Variants in DNAH5 observed in about 807,000 individuals in gnomAD.
The protein encoded by DNAH5 is axonemal beta dynein heavy chain 5.
In DNAH5, 372 loss-of-function variants were observed where a neutral mutation model predicts 518.2. The ratio of observed to expected loss-of-function variants is 0.72; its 90% CI spans 0.66 to 0.78. DNAH5 has a LOEUF of 0.78. Among genes scored for constraint, DNAH5 ranks in the 30% least tolerant of loss-of-function variants. The pLI is 0.00. For missense variants in DNAH5, 5,523 were observed against 5,687.0 expected, an observed-to-expected ratio of 0.97 and a Z score of 0.93; for synonymous variants, 2,039 against 2,025.9, an observed-to-expected ratio of 1.01 and a Z score of -0.17.
At chr5:13,967,186 T>A (rs746700630) in intron 1 of DNAH5, among the ~76,000 whole-genome samples, 1 of 152,216 alleles carries the variant, frequency 6.6e-6, no homozygotes, top group South Asian at 2.1e-4. Flanking sequence ...TTTAATTAAG[T>A]CCCATTTATT....
chr5:13,819,651 T>A (rs550110986), intron 41 of DNAH5, among the ~76,000 whole-genome samples: 5 of 152,236 alleles, frequency 3.3e-5, no homozygotes, highest in African/African-American at 1.2e-4. Flanking sequence ...GCCAATATTT[T>A]TAGAAAGAGA....
chr5:13,823,497 C>T, intron 39 of DNAH5, 127 bp from the exon 40 acceptor site: 1 of 676,712 alleles, frequency 1.5e-6, no homozygotes, highest in Non-Finnish European at 2.7e-6. Context: ...AACATATCAC[C>T]TTTATTGAAG....
At chr5:13,995,845 T>C (rs912467250) in intron 1 of DNAH5, among the ~76,000 whole-genome samples, 2 of 152,198 alleles carry the variant, frequency 1.3e-5, no homozygotes, top group Non-Finnish European at 2.9e-5. Flanking sequence ...CAGAGTTGAC[T>C]GGAACTTGAC....
chr5:13,850,992 T>A (rs1263433805), intron 30 of DNAH5, among the ~76,000 whole-genome samples, 177 bp from the exon 31 acceptor site: 4 of 152,214 alleles, frequency 2.6e-5, no homozygotes, highest in Non-Finnish European at 4.4e-5. Flanking sequence ...CTGTGCCATA[T>A]CATCCCCTGT....
chr5:13,916,259 C>T, intron 9 of DNAH5, 89 bp downstream of exon 9: 1 of 745,668 alleles, frequency 1.3e-6, no homozygotes, highest in Non-Finnish European at 2.4e-6. Flanking sequence ...ACATATTGAA[C>T]TGAGCCAATG....
chr5:14,000,244 G>A (rs537093697), intron 1 of DNAH5, among the ~76,000 whole-genome samples: 11 of 152,300 alleles, frequency 7.2e-5, no homozygotes, highest in East Asian at 1.9e-4. Context: ...GTGAGGACAC[G>A]GGGAGGACAC....
At position 13,808,914 on chromosome 5, in the gene DNAH5, C is replaced by T. The variant is rs375574838; in HGVS notation, c.7752+130G>A. ...GGTGGAGCCTGCAGTGAGCCGAGAT[C>T]GCGCCACTGCACTCCAGCCTGGGCG... On this transcript the variant is annotated intron_variant, in intron 46 of 78. Transcript: ENST00000265104. The T allele has an allele frequency of 8.3e-5, 89 of 1,075,374 alleles. 1 individual carries two copies. In the East Asian group the frequency reaches 2.2e-3, roughly 27 times the overall value. 66.6% of individuals were successfully genotyped at this position (1,075,374 alleles called of 1,614,324 possible).
Position 13,845,024 on chromosome 5 carries a change from T to A in DNAH5, c.5115-31A>T, listed in dbSNP as rs112221186. 1,084 of 1,608,328 alleles carry A rather than the reference T, an allele frequency of 6.7e-4. 9 individuals carry two copies. In the African/African-American group the frequency reaches 0.011, roughly 16 times the overall value. ...AGGAGAGGAAAAACATAAACCTTTA[T>A]AACCACACAAAGCTGGTCGTTCAAG... On this transcript the variant is annotated intron_variant, in intron 31 of 78. Transcript: ENST00000265104.
chr5:13,871,610 A>G lies in DNAH5; in HGVS notation c.3552T>C (p.Asn1184=). 6.2e-7 allele frequency: 1 copy of G among 1,613,836 alleles called. No individual in the cohort carries two copies. Among genetic ancestry groups the G allele is most frequent in the South Asian group, 1.1e-5 (1 of 91,078 alleles). Reference sequence around the variant, plus strand: ...CCACACAGACATATTCAGGCTCAGCATTAATTTCCTGCTCTAGGTTTTGGA... The same window carrying G: ...CCACACAGACATATTCAGGCTCAGCGTTAATTTCCTGCTCTAGGTTTTGGA... ...LYFQNLEQEI[N]AEPEYVCVGS... The change falls in exon 23 of 79, where the codon AAT becomes AAC. Residue 1184 remains asparagine (N), a synonymous_variant. Coordinates refer to ENST00000265104, the MANE Select transcript of DNAH5 (RefSeq NM_001369.3).
At chr5:13,891,294 A>G (rs1239381197) in intron 16 of DNAH5, among the ~76,000 whole-genome samples, 173 bp from the exon 17 acceptor site, 1 of 152,206 alleles carries the variant, frequency 6.6e-6, no homozygotes, top group African/African-American at 2.4e-5. Flanking sequence ...AAAATATCCA[A>G]GTTGTTAACT....
intron 1 of DNAH5, among the ~76,000 whole-genome samples, chr5:13,999,118 C>T (rs1471752785): frequency 6.6e-6 from 1 of 152,206 alleles, no homozygotes; most frequent in Non-Finnish European, 1.5e-5. Context: ...GTGATCTGCC[C>T]GCCTTGGCCT....
intron 65 of DNAH5, among the ~76,000 whole-genome samples, chr5:13,739,517 C>T (rs909384167): frequency 3.9e-5 from 6 of 152,128 alleles, no homozygotes; most frequent in Admixed American, 3.9e-4. Flanking sequence ...ATTACCCAGT[C>T]TCGGGTATTT....
Position 13,829,581 on chromosome 5 carries a change from T to C in DNAH5, c.6373A>G (p.Ile2125Val). 6.2e-7 allele frequency: 1 copy of C among 1,614,162 alleles called. No homozygotes were observed. The highest frequency in any genetic ancestry group is 8.5e-7 in the Non-Finnish European group (1 of 1,180,026). The change falls in exon 38 of 79, where the codon ATT becomes GTT. Residue 2125 changes from isoleucine to valine, a missense_variant. By Grantham distance (29) the Ile-to-Val change is conservative. This residue lies in a region of DNAH5 where 5,121 missense variants were observed against 5,223.3 expected (regional missense o/e 0.98). Coordinates refer to ENST00000265104, the MANE Select transcript of DNAH5 (RefSeq NM_001369.3). ...TTCCTGGCCAAAACAACGTTGTCAA[T>C]GAAGCCACAACTAGCCAACTTCACC... ...IRVKLASCGF[I>V]DNVVLARKFF...
At chr5:13,781,142 G>A (rs1339188295) in intron 52 of DNAH5, among the ~76,000 whole-genome samples, 183 bp from the exon 53 acceptor site, 3 of 152,176 alleles carry the variant, frequency 2.0e-5, no homozygotes, top group African/African-American at 7.2e-5. Flanking sequence ...GTGTTGGGCT[G>A]CATCAGACGG....
rs188416309 is a variant in DNAH5 at position 13,786,743 on chromosome 5, A to T, written c.8648-392T>A. On this transcript the variant is annotated intron_variant, in intron 51 of 78. Coordinates refer to ENST00000265104, the MANE Select transcript of DNAH5 (RefSeq NM_001369.3). Reference sequence around the variant, plus strand: ...TGATAAGAATAAAAAGAAAAAGGTTATTGCATTTACTCAGGAAATTTTTAT... The same window carrying T: ...TGATAAGAATAAAAAGAAAAAGGTTTTTGCATTTACTCAGGAAATTTTTAT... 1.5e-4 allele frequency among the ~76,000 whole-genome samples: 23 copies of T among 152,318 alleles called. No homozygotes were observed. The East Asian group carries it at 4.4e-3, about 29-fold the overall frequency.
intron 63 of DNAH5, 123 bp from the exon 64 acceptor site, chr5:13,752,412 C>A: frequency 1.7e-6 from 2 of 1,180,658 alleles, no homozygotes; most frequent in Non-Finnish European, 1.2e-6. Context: ...ATTGAGCATC[C>A]AAAATGTTCC....
intron 69 of DNAH5, among the ~76,000 whole-genome samples, chr5:13,728,223 A>C (rs1009378244): frequency 1.3e-5 from 2 of 152,210 alleles, no homozygotes; most frequent in Admixed American, 6.5e-5. Flanking sequence ...GGAAAGAGTA[A>C]AAGGACATAG....
Position 13,984,011 on chromosome 5 carries a change from T to A in DNAH5, c.12+27637A>T, listed in dbSNP as rs142352829. Among the ~76,000 whole-genome samples the A allele has an allele frequency of 3.1e-3, 476 of 152,220 alleles. 1 individual carries two copies. The highest frequency in any genetic ancestry group is 5.0e-3 in the Non-Finnish European group (338 of 68,000). ...GAAGTAGAGTTGCTAATCAGCTGAT[T>A]TACAAATGGAGAGATTACCCTGGGT... On this transcript the variant is annotated intron_variant, in intron 1 of 78. Coordinates refer to the DNAH5 transcript ENST00000681290.
chr5:13,982,909 A>C (rs1306702814), intron 1 of DNAH5, among the ~76,000 whole-genome samples: 2 of 151,960 alleles, frequency 1.3e-5, no homozygotes, highest in Non-Finnish European at 2.9e-5. Flanking sequence ...TCTTCCTTCC[A>C]TCTCTTGGTG....
Sources: gnomAD v4.1 joint callset for allele counts (sites outside exome capture counted in the v4.1 genomes callset) on GRCh38, gnomAD v4.1.1 for gene constraint, gnomAD v4.1.1 regional missense constraint, MANE v1.5 for transcripts, NCBI Gene and HGNC (gene_info 2026-07-23, HGNC 2026-07-21) for gene names.